Variants in NECAB2 observed in about 807,000 individuals in gnomAD.
NECAB2 encodes N-terminal EF-hand calcium-binding protein 2.
Under a neutral mutation model 51.9 loss-of-function variants are expected in NECAB2, and 68 were observed. The ratio of observed to expected loss-of-function variants is 1.31; its 90% CI spans 1.08 to 1.60. The LOEUF is 1.60. Ranked by LOEUF, NECAB2 falls within the 40% of genes most tolerant of loss-of-function variation. The pLI, the probability that NECAB2 is intolerant of heterozygous loss-of-function variation, is 0.00. For synonymous variants in NECAB2, 329 were observed against 203.5 expected, an observed-to-expected ratio of 1.62 and a Z score of -5.25; for missense variants, 854 against 490.3, an observed-to-expected ratio of 1.74 and a Z score of -7.00.
intron 2 of NECAB2, among the ~76,000 whole-genome samples, chr16:83,977,373 G>C (rs192072567): frequency 7.2e-5 from 11 of 152,274 alleles, no homozygotes; most frequent in Non-Finnish European, 1.3e-4. Flanking sequence ...TGTTCAGGTG[G>C]AAGGAGCTGA....
intron 3 of NECAB2, 93 bp downstream of exon 3, chr16:83,978,645 G>C: frequency 9.0e-7 from 1 of 1,109,824 alleles, no homozygotes; most frequent in Non-Finnish European, 1.3e-6. Flanking sequence ...TCCCCTGTAA[G>C]GGGCAGGAGA....
In NECAB2 at chr16:84,002,762, C is replaced by T. The variant is rs115333158; in HGVS notation, c.*416C>T. ...CCACTGTGCCCAGGCGCCAAATAAA[C>T]CCTGGTTGGGAAGAGCTGTGTGCTC... On this transcript the variant is annotated 3_prime_UTR_variant, in exon 13 of 13. Coordinates refer to ENST00000305202, the MANE Select transcript of NECAB2 (RefSeq NM_019065.3). 9.4e-6 allele frequency: 2 copies of T among 211,668 alleles called. No individual in the cohort carries two copies. Among genetic ancestry groups the T allele is most frequent in the African/African-American group, 2.3e-5 (1 of 43,960 alleles). 13.1% of individuals were successfully genotyped at this position (211,668 alleles called of 1,614,324 possible).
chr16:83,981,500 A>C (rs925143258), intron 5 of NECAB2, among the ~76,000 whole-genome samples: 1 of 152,002 alleles, frequency 6.6e-6, no homozygotes, highest in Admixed American at 6.6e-5. Context: ...GTGGTGGTTC[A>C]TGCATCTGAA....
intron 7 of NECAB2, 68 bp from the exon 8 acceptor site, chr16:83,994,541 T>G (rs1032216217): frequency 1.2e-6 from 2 of 1,605,934 alleles, no homozygotes; most frequent in Non-Finnish European, 8.5e-7. Context: ...GCTGGATGTT[T>G]CCAGCTTCCC....
intron 1 of NECAB2, among the ~76,000 whole-genome samples, chr16:83,970,404 G>A (rs529419777): frequency 2.6e-4 from 40 of 152,260 alleles, no homozygotes; most frequent in Non-Finnish European, 4.1e-4. Context: ...ACGGGGCTGC[G>A]GGGTGCCCAG....
chr16:84,002,598 G>A lies in NECAB2; in HGVS notation c.*252G>A, dbSNP rs1188528625. The A allele has an allele frequency of 5.2e-6, 3 of 579,610 alleles. No homozygotes were observed. The highest frequency in any genetic ancestry group is 1.9e-5 in the African/African-American group (1 of 53,182). The allele number at this position is 579,610 out of a possible 1,614,324, so 35.9% of individuals were successfully genotyped here. ...GCGGCTTCCTGGAGCCAGCACCCCT[G>A]CCTCCTGGTCCTGGCCTCTCCCCTA... On this transcript the variant is annotated 3_prime_UTR_variant, in exon 13 of 13. Coordinates refer to ENST00000305202, the MANE Select transcript of NECAB2 (RefSeq NM_019065.3).
At chr16:83,994,227 T>C (rs997470915) in intron 6 of NECAB2, 75 bp from the exon 7 acceptor site, 3 of 1,313,182 alleles carry the variant, frequency 2.3e-6, no homozygotes, top group Non-Finnish European at 3.3e-6. Context: ...AATAAATGCC[T>C]GTGGAAGATG....
chr16:83,996,920 T>C (rs1196780454), intron 8 of NECAB2, among the ~76,000 whole-genome samples: 1 of 152,046 alleles, frequency 6.6e-6, no homozygotes, highest in Non-Finnish European at 1.5e-5. Flanking sequence ...AATTATAAGT[T>C]ACAGGGAATC....
chr16:84,002,186 G>T, intron 12 of NECAB2, 132 bp from the exon 13 acceptor site: 1 of 1,212,364 alleles, frequency 8.2e-7, no homozygotes, highest in East Asian at 2.3e-5. Flanking sequence ...GCACCTGGGT[G>T]ACCAGCAAGG....
chr16:83,983,178 G>C (rs531202637), intron 5 of NECAB2, among the ~76,000 whole-genome samples: 2 of 152,112 alleles, frequency 1.3e-5, no homozygotes, highest in Non-Finnish European at 2.9e-5. Context: ...TTTTGCTTGC[G>C]TATTTCCTAA....
chr16:84,001,217 T>A (rs900550509), intron 11 of NECAB2, among the ~76,000 whole-genome samples: 1 of 151,696 alleles, frequency 6.6e-6, no homozygotes, highest in Non-Finnish European at 1.5e-5. Flanking sequence ...GGGACGGAGA[T>A]GGGGTAGGGT....
chr16:83,981,357 G>C (rs1288317717), intron 5 of NECAB2, among the ~76,000 whole-genome samples: 1 of 152,026 alleles, frequency 6.6e-6, no homozygotes, highest in Non-Finnish European at 1.5e-5. Flanking sequence ...AATCAGGCCT[G>C]ATCCTGGGCT....
At chr16:83,994,476 T>C in intron 7 of NECAB2, 56 bp downstream of exon 7, 11 of 1,596,158 alleles carry the variant, frequency 6.9e-6, no homozygotes, top group Non-Finnish European at 8.6e-6. Flanking sequence ...CGAGGAGTTC[T>C]GAGAGTCCTC....
rs2084665961 is a variant in NECAB2 at position 83,994,323 on chromosome 16, C to T, written c.618C>T (p.Ser206=). The T allele has an allele frequency of 2.5e-6, 4 of 1,614,236 alleles. No individual in the cohort carries two copies. The highest frequency in any genetic ancestry group is 3.4e-6 in the Non-Finnish European group (4 of 1,180,034). Reference sequence around the variant, plus strand: ...GCAGACAGAACCACATCAAACCCAGCCACAGCGCGGCACAGACCTGGTGTG... The same window carrying T: ...GCAGACAGAACCACATCAAACCCAGTCACAGCGCGGCACAGACCTGGTGTG... ...SQLRQNHIKP[S]HSAAQTWCGS... is the part of the protein sequence containing the mutation. Residue 206 remains serine (S), a synonymous_variant, in exon 7 of 13, where the codon AGC becomes AGT. Coordinates refer to ENST00000305202, the MANE Select transcript of NECAB2 (RefSeq NM_019065.3).
chr16:83,973,885 T>G (rs1216601086), intron 2 of NECAB2, among the ~76,000 whole-genome samples: 1 of 152,102 alleles, frequency 6.6e-6, no homozygotes, highest in African/African-American at 2.4e-5. Context: ...CCCGAGTGTG[T>G]GTGCAGTTAG....
chr16:83,986,141 C>T (rs1012970939), intron 5 of NECAB2, among the ~76,000 whole-genome samples: 9 of 152,150 alleles, frequency 5.9e-5, no homozygotes, highest in East Asian at 1.9e-4. Context: ...CTCAGCCTCC[C>T]GAGTAGCTGG....
chr16:83,965,759 A>G, upstream of NECAB2: 5 of 1,613,300 alleles, frequency 3.1e-6, no homozygotes, highest in Non-Finnish European at 4.2e-6. Context: ...GCTGGTCCTC[A>G]TCGGCTCCCA....
At chr16:83,978,607 C>T in intron 3 of NECAB2, 55 bp downstream of exon 3, 3 of 1,399,108 alleles carry the variant, frequency 2.1e-6, no homozygotes, top group Non-Finnish European at 3.0e-6. Flanking sequence ...GTGGTGGAGG[C>T]ATCTTTTCAT....
chr16:83,978,669 A>G, intron 3 of NECAB2, 117 bp downstream of exon 3: 1 of 854,592 alleles, frequency 1.2e-6, no homozygotes, highest in Admixed American at 2.4e-5. Context: ...GAAAATCCCC[A>G]AATTTGCTAA....
Sources: gnomAD v4.1 joint callset for allele counts (sites outside exome capture counted in the v4.1 genomes callset) on GRCh38, gnomAD v4.1.1 for gene constraint, MANE v1.5 for transcripts, NCBI Gene and HGNC (gene_info 2026-07-23, HGNC 2026-07-21) for gene names.